GTF2F2: variants seen among roughly 807,000 people sequenced by gnomAD.
GTF2F2 encodes ATP-dependent helicase GTF2F2.
A neutral mutation model predicts 42.2 loss-of-function variants in GTF2F2; 23 were observed. The ratio of observed to expected loss-of-function variants is 0.55; its 90% CI spans 0.39 to 0.77. The LOEUF is 0.77. Ranked by LOEUF, GTF2F2 falls within the 30% of genes least tolerant of loss-of-function variation. The pLI is 0.00. For synonymous variants in GTF2F2, 105 were observed against 100.8 expected (o/e 1.04, Z -0.25); for missense variants, 261 against 287.2 (o/e 0.91, Z 0.66).
intron 6 of GTF2F2, among the ~76,000 whole-genome samples, chr13:45,264,258 A>T (rs202195648): frequency 4.0e-5 from 6 of 150,670 alleles, no homozygotes; most frequent in Admixed American, 1.3e-4. Context: ...TTTTTTTTTT[A>T]TTTTTTATTT....
chr13:45,194,059 G>T, intron 4 of GTF2F2: 3 of 1,614,134 alleles, frequency 1.9e-6, no homozygotes, highest in Non-Finnish European at 2.5e-6. Flanking sequence ...AACAATGCGA[G>T]ACTTTATTTT....
intron 4 of GTF2F2, among the ~76,000 whole-genome samples, chr13:45,185,380 A>G (rs567650019): frequency 1.6e-4 from 24 of 151,620 alleles, no homozygotes; most frequent in African/African-American, 5.9e-4. Context: ...CTAAATCTCA[A>G]TGTGTTAGAT....
chr13:45,261,689 A>G (rs1427396014), intron 6 of GTF2F2, among the ~76,000 whole-genome samples: 1 of 152,232 alleles, frequency 6.6e-6, no homozygotes, highest in Non-Finnish European at 1.5e-5. Flanking sequence ...GACTGCTTTA[A>G]TATCATTTCC....
intron 6 of GTF2F2, among the ~76,000 whole-genome samples, chr13:45,257,881 T>C (rs938821655): frequency 6.6e-6 from 1 of 152,142 alleles, no homozygotes; most frequent in Non-Finnish European, 1.5e-5. Flanking sequence ...TTCATTTGCT[T>C]TCAGCTTTTT....
intron 5 of GTF2F2, among the ~76,000 whole-genome samples, chr13:45,234,612 C>T (rs768314711): frequency 2.2e-4 from 33 of 152,154 alleles, no homozygotes; most frequent in Non-Finnish European, 3.8e-4. Context: ...AGTTCTTAAT[C>T]TATCCATGGG....
intron 5 of GTF2F2, among the ~76,000 whole-genome samples, chr13:45,250,536 C>T (rs1274106378): frequency 2.6e-5 from 4 of 152,178 alleles, no homozygotes; most frequent in Non-Finnish European, 5.9e-5. Context: ...CAAGTCTTTA[C>T]TGCTATGTCT....
chr13:45,196,311 C>T (rs577909667), intron 4 of GTF2F2, among the ~76,000 whole-genome samples: 23 of 152,294 alleles, frequency 1.5e-4, no homozygotes, highest in African/African-American at 5.5e-4. Context: ...TCTAGGACTT[C>T]ACAGCAAAGC....
chr13:45,165,117 T>G (rs1289497932), intron 4 of GTF2F2, among the ~76,000 whole-genome samples: 1 of 151,810 alleles, frequency 6.6e-6, no homozygotes, highest in African/African-American at 2.4e-5. Flanking sequence ...ACTTACACAG[T>G]GTGGATGCAG....
At chr13:45,236,784 A>G (rs1309191140) in intron 5 of GTF2F2, among the ~76,000 whole-genome samples, 15 of 152,222 alleles carry the variant, frequency 9.9e-5, no homozygotes. Context: ...AGAGCAGAAG[A>G]GGAATAAAAC....
At position 45,120,589 on chromosome 13, in the gene GTF2F2, C is replaced by T. The variant is rs773278934; in HGVS notation, c.-67C>T. 4 of 1,187,464 alleles carry T rather than the reference C, an allele frequency of 3.4e-6. No individual in the cohort carries two copies. The highest frequency in any genetic ancestry group is 1.5e-5 in the African/African-American group (1 of 65,808). 73.6% of individuals were successfully genotyped at this position (1,187,464 alleles called of 1,614,324 possible). On this transcript the variant is annotated 5_prime_UTR_variant, in exon 1 of 8. Transcript: ENST00000340473. ...CGGCTTGTCCTTTGTTCCGGACGCC[C>T]GCTCCTCAGCCCTGCGGCTCCTGGG...
At chr13:45,215,265 T>C (rs1403590429) in intron 5 of GTF2F2, among the ~76,000 whole-genome samples, 1 of 152,228 alleles carries the variant, frequency 6.6e-6, no homozygotes, top group Non-Finnish European at 1.5e-5. Flanking sequence ...AGCTGAATTA[T>C]AAATAGGATG....
At chr13:45,122,580 G>A (rs1035197430) in intron 1 of GTF2F2, among the ~76,000 whole-genome samples, 1 of 152,126 alleles carries the variant, frequency 6.6e-6, no homozygotes, top group African/African-American at 2.4e-5. Context: ...GTTGCAGTGA[G>A]CCGAGATTGC....
At chr13:45,150,207 G>A (rs1870416397) in intron 3 of GTF2F2, among the ~76,000 whole-genome samples, 1 of 152,104 alleles carries the variant, frequency 6.6e-6, no homozygotes, top group Admixed American at 6.6e-5. Flanking sequence ...TACATGCTTG[G>A]GAGATGAGTA....
At chr13:45,179,329 AG>A (rs944477022) in intron 4 of GTF2F2, among the ~76,000 whole-genome samples, 4 of 152,204 alleles carry the variant, frequency 2.6e-5, no homozygotes, top group African/African-American at 9.7e-5. Context: ...GATTGAAATT[AG>A]GTGATCATTA....
At chr13:45,194,351 CAT>C (rs1872782182) in intron 4 of GTF2F2, 2 of 1,614,168 alleles carry the variant, frequency 1.2e-6, no homozygotes, top group Middle Eastern at 1.6e-4. Context: ...TGACCATCAG[CAT>C]CAAACGGGCA....
At chr13:45,190,941 A>T (rs1469861249) in intron 4 of GTF2F2, among the ~76,000 whole-genome samples, 13 of 104,422 alleles carry the variant, frequency 1.2e-4, no homozygotes, top group African/African-American at 1.6e-4. Flanking sequence ...AATTTTCTTT[A>T]AAAAAAAAAA....
chr13:45,192,718 A>G (rs900328484), intron 4 of GTF2F2: 4 of 152,208 alleles, frequency 2.6e-5, no homozygotes, highest in Admixed American at 2.6e-4. Flanking sequence ...GCATGAAGTA[A>G]TGTTAACTCA....
In GTF2F2 at chr13:45,270,176, C is replaced by G. The variant is rs114700975; in HGVS notation, c.630+2800C>G. ...AAAATTATTGGCTAGAGAAACTTTGCTTAGGGCCCGTCTTTTTCTCTTGTT... is the reference window on the plus strand; with the variant it reads ...AAAATTATTGGCTAGAGAAACTTTGGTTAGGGCCCGTCTTTTTCTCTTGTT... On this transcript the variant is annotated intron_variant, in intron 7 of 7. Coordinates refer to ENST00000340473, the MANE Select transcript of GTF2F2 (RefSeq NM_004128.3). 5.8e-3 allele frequency among the ~76,000 whole-genome samples: 880 copies of G among 152,170 alleles called. 8 individuals are homozygous for G. The highest frequency in any genetic ancestry group is 0.02 in the African/African-American group (851 of 41,518).
chr13:45,228,497 C>G (rs1874488820), intron 5 of GTF2F2, among the ~76,000 whole-genome samples: 1 of 149,988 alleles, frequency 6.7e-6, no homozygotes, highest in African/African-American at 2.5e-5. Flanking sequence ...GATTAGGCCC[C>G]CAGAAACCTC....
Sources: allele counts gnomAD v4.1 joint callset (sites outside exome capture counted in the v4.1 genomes callset), GRCh38; gene constraint gnomAD v4.1.1; transcripts MANE v1.5; gene names NCBI Gene and HGNC (gene_info 2026-07-23, HGNC 2026-07-21).